COL5A1: variants seen among roughly 807,000 people sequenced by gnomAD.
COL5A1 encodes the protein collagen alpha-1(V) chain.
COL5A1 carries 16 observed loss-of-function variants against 263.7 expected under a neutral mutation model. The observed-to-expected ratio is 0.06, with a 90% CI of 0.04 to 0.09. The LOEUF is 0.09. Among genes scored for constraint, COL5A1 ranks in the 10% least tolerant of loss-of-function variants. The pLI is 1.00. For missense variants in COL5A1, 2,036 were observed against 2,540.5 expected (o/e 0.80, Z 4.27); for synonymous variants, 1,012 against 1,004.5 (o/e 1.01, Z -0.14).
At chr9:134,801,604 T>A (rs1838116437) in intron 37 of COL5A1, among the ~76,000 whole-genome samples, 1 of 152,056 alleles carries the variant, frequency 6.6e-6, no homozygotes, top group South Asian at 2.1e-4. Context: ...CTGACCAACA[T>A]GGTGAAATCC....
chr9:134,805,094 T>C (rs1838249157), intron 40 of COL5A1, 30 bp downstream of exon 40: 2 of 1,613,650 alleles, frequency 1.2e-6, no homozygotes, highest in Non-Finnish European at 1.7e-6. Flanking sequence ...GGGAATGAAA[T>C]GGGACAGGTG....
intron 31 of COL5A1, among the ~76,000 whole-genome samples, chr9:134,786,312 A>G (rs1051258095): frequency 1.3e-5 from 2 of 151,828 alleles, no homozygotes; most frequent in African/African-American, 4.8e-5. Context: ...AGGTTCATCC[A>G]CTCCCCATCC....
intron 1 of COL5A1, among the ~76,000 whole-genome samples, chr9:134,671,369 C>A (rs1377205648): frequency 6.6e-6 from 1 of 152,184 alleles, no homozygotes; most frequent in East Asian, 1.9e-4. Flanking sequence ...TCGCACAGTA[C>A]AGTTATGTGT....
rs191943782 is a variant in COL5A1 at position 134,716,911 on chromosome 9, G to A, written c.655-10355G>A. Among the ~76,000 whole-genome samples, 4 of 152,278 alleles carry A rather than the reference G, an allele frequency of 2.6e-5. No individual in the cohort carries two copies. Among genetic ancestry groups the A allele is most frequent in the Admixed American group, 2.0e-4 (3 of 15,298 alleles). ...TGGAGGCAGCGAGCGAGGACATGGCGGGGACAGCAGAAAGCAATTTCCGAC... is the reference window on the plus strand; with the variant it reads ...TGGAGGCAGCGAGCGAGGACATGGCAGGGACAGCAGAAAGCAATTTCCGAC... On this transcript the variant is annotated intron_variant, in intron 4 of 65. Coordinates refer to ENST00000371817, the MANE Select transcript of COL5A1 (RefSeq NM_000093.5). This position sits in a 1 kb window ranked among gnomAD's most constrained non-coding sequence, Gnocchi z 4.5.
chr9:134,704,624 G>A (rs1833779993), intron 4 of COL5A1, among the ~76,000 whole-genome samples: 1 of 152,144 alleles, frequency 6.6e-6, no homozygotes, highest in African/African-American at 2.4e-5. Flanking sequence ...TGGCTGCCAG[G>A]AACGAGAGGT....
At chr9:134,734,730 A>G (rs1298511648) in intron 9 of COL5A1, among the ~76,000 whole-genome samples, 3 of 152,236 alleles carry the variant, frequency 2.0e-5, no homozygotes. Context: ...GCTTCCAGGC[A>G]GGAAGCCCCC....
intron 8 of COL5A1, 75 bp downstream of exon 8, chr9:134,731,738 G>T (rs1162652487): frequency 6.6e-6 from 10 of 1,509,110 alleles, no homozygotes; most frequent in Non-Finnish European, 9.0e-6. Flanking sequence ...CTGCCCAAGA[G>T]CCTCCTCAGG....
rs1830182093 is a variant in COL5A1, at chr9:134,844,172, GAACAA to G, written c.*1874_*1878del. 6.6e-6 allele frequency: 1 copy of G among 152,592 alleles called. No homozygotes were observed. The highest frequency in any genetic ancestry group is 1.5e-5 in the Non-Finnish European group (1 of 68,042). The allele number at this position is 152,592 out of a possible 1,614,324, so 9.5% of individuals were successfully genotyped here. A position where few individuals can be genotyped will look rare whatever the true frequency, so the allele number is the denominator to read the frequency against. On this transcript the variant is annotated 3_prime_UTR_variant, in exon 66 of 66. Transcript: ENST00000371817. ...AAGCCACAAACAAGCCACCCAGGAG[GAACAA>G]AACACCGCCAGCGTGGATTTTCCAA...
At chr9:134,761,161 T>C (rs75756858) in intron 18 of COL5A1, among the ~76,000 whole-genome samples, 17,648 of 136,292 alleles carry the variant, frequency 0.13, 1,888 homozygotes, top group African/African-American at 0.28. Flanking sequence ...CGCACACGCA[T>C]ACACACCTAT....
At chr9:134,796,947 AAAACCCACCTGT>A (rs1236346532) in intron 36 of COL5A1, 46 bp downstream of exon 36, 11 of 268,244 alleles carry the variant, frequency 4.1e-5, no homozygotes, top group Non-Finnish European at 4.8e-5. Context: ...TGTCCCCTCC[AAAACCCACCTGT>A]CCCCTCCAAA....
chr9:134,767,833 A>G (rs879934666), intron 24 of COL5A1, among the ~76,000 whole-genome samples: 7 of 152,210 alleles, frequency 4.6e-5, no homozygotes, highest in Non-Finnish European at 8.8e-5. Flanking sequence ...AAGATAGTTC[A>G]GGTAGCTCCA....
chr9:134,668,907 C>CCATCCATCCTTCTGCCCATCCAAT (rs1199208917), intron 1 of COL5A1, among the ~76,000 whole-genome samples: 44 of 151,850 alleles, frequency 2.9e-4, no homozygotes, highest in Middle Eastern at 6.9e-3. Flanking sequence ...ATCAATCCAT[C>CCATCCATCCTTCTGCCCATCCAAT]CATCCATCCT....
intron 4 of COL5A1, among the ~76,000 whole-genome samples, chr9:134,703,794 C>T (rs998125012): frequency 1.3e-5 from 2 of 151,934 alleles, no homozygotes; most frequent in Non-Finnish European, 2.9e-5. Flanking sequence ...CCCGCCACCA[C>T]ACCCAGCTAA....
intron 1 of COL5A1, among the ~76,000 whole-genome samples, chr9:134,654,962 GGTAGGGCTGGTGTGT>G (rs1179794518): frequency 3.4e-5 from 3 of 88,170 alleles, no homozygotes; most frequent in Non-Finnish European, 7.0e-5. Flanking sequence ...GCTGGGGGAG[GGTAGGGCTGGTGTGT>G]GTAGGGCTGG....
intron 11 of COL5A1, among the ~76,000 whole-genome samples, chr9:134,746,129 T>A (rs1390398560): frequency 1.3e-5 from 2 of 151,982 alleles, no homozygotes; most frequent in Non-Finnish European, 2.9e-5. Flanking sequence ...CCACCGCGCG[T>A]GGTCATGCAC....
intron 4 of COL5A1, among the ~76,000 whole-genome samples, chr9:134,718,159 A>G (rs1241515145): frequency 6.6e-6 from 1 of 152,216 alleles, no homozygotes; most frequent in African/African-American, 2.4e-5. Flanking sequence ...TTAGCAGAAA[A>G]GGCAGAACTG....
At chr9:134,806,114 A>G in intron 41 of COL5A1, 75 bp from the exon 42 acceptor site, 1 of 1,087,610 alleles carries the variant, frequency 9.2e-7, no homozygotes, top group Admixed American at 2.0e-5. Context: ...TGGAGTGATC[A>G]GCTGGTGCTT....
intron 31 of COL5A1, among the ~76,000 whole-genome samples, chr9:134,787,067 G>A (rs1214459667): frequency 1.3e-5 from 2 of 152,256 alleles, no homozygotes; most frequent in African/African-American, 4.8e-5. Context: ...ATCTAACAGT[G>A]GCTCGTTGAA....
intron 25 of COL5A1, among the ~76,000 whole-genome samples, chr9:134,772,177 C>T (rs912343753): frequency 6.6e-6 from 1 of 152,212 alleles, no homozygotes; most frequent in Non-Finnish European, 1.5e-5. Flanking sequence ...TGAAGACTCA[C>T]GGATGTGCTG....
Sources: gnomAD v4.1 joint callset for allele counts (sites outside exome capture counted in the v4.1 genomes callset) on GRCh38, gnomAD v4.1.1 for gene constraint, Gnocchi (gnomAD v3.1) non-coding constraint, MANE v1.5 for transcripts, NCBI Gene and HGNC (gene_info 2026-07-23, HGNC 2026-07-21) for gene names.